CACNA1E: variants seen among roughly 807,000 people sequenced by gnomAD.
CACNA1E encodes voltage-dependent R-type calcium channel subunit alpha-1E.
CACNA1E carries 40 observed loss-of-function variants against 259.2 expected under a neutral mutation model. That is an observed-to-expected ratio of 0.15 (90% CI 0.12 to 0.20). The LOEUF (loss-of-function observed/expected upper bound fraction) is 0.20. Among genes scored for constraint, CACNA1E ranks in the 10% least tolerant of loss-of-function variants. CACNA1E has a pLI of 1.00. For missense variants in CACNA1E, 1,874 were observed against 3,040.1 expected, an observed-to-expected ratio of 0.62 and a Z score of 9.02; for synonymous variants, 1,104 against 1,138.5, an observed-to-expected ratio of 0.97 and a Z score of 0.61.
At chr1:181,673,553 T>C (rs1313978729) in intron 7 of CACNA1E, among the ~76,000 whole-genome samples, 1 of 152,176 alleles carries the variant, frequency 6.6e-6, no homozygotes, top group South Asian at 2.1e-4. Flanking sequence ...GAACAGCTTT[T>C]CCAAGGTGAG....
intron 34 of CACNA1E, among the ~76,000 whole-genome samples, chr1:181,765,372 C>A (rs1658931144): frequency 6.6e-6 from 1 of 152,110 alleles, no homozygotes; most frequent in Non-Finnish European, 1.5e-5. Context: ...TGAAAGGTAG[C>A]AGCACTGCAG....
intron 2 of CACNA1E, among the ~76,000 whole-genome samples, chr1:181,458,619 GA>G (rs1661606981): frequency 6.6e-6 from 1 of 152,190 alleles, no homozygotes; most frequent in Admixed American, 6.5e-5. Context: ...GAATGCCCTT[GA>G]CACCTATGAG....
At chr1:181,397,630 C>G (rs771073844) in intron 1 of CACNA1E, among the ~76,000 whole-genome samples, 6 of 152,154 alleles carry the variant, frequency 3.9e-5, no homozygotes, top group Admixed American at 6.5e-5. Flanking sequence ...CATCACGTCA[C>G]TAGGAAGACT....
Position 181,796,798 on chromosome 1 carries a change from C to T in CACNA1E, c.6339C>T (p.Ser2113=), listed in dbSNP as rs367956254. 1 of 1,610,814 alleles carries T rather than the reference C, an allele frequency of 6.2e-7. No homozygotes were observed. Among genetic ancestry groups the T allele is most frequent in the African/African-American group, 1.3e-5 (1 of 74,872 alleles). The change falls in exon 47 of 48, where the codon TCC becomes TCT. Residue 2113 remains serine, a synonymous_variant. Coordinates refer to ENST00000367573, the MANE Select transcript of CACNA1E (RefSeq NM_001205293.3). ...GAGGGACCCAGGCTGACTGGGAGTC[C>T]CCAGAGCGCCGTCAATCCAGGTCAC... ...EERGTQADWE[S]PERRQSRSPS...
At chr1:181,599,911 T>TGAA (rs1653573121) in intron 6 of CACNA1E, among the ~76,000 whole-genome samples, 2 of 152,190 alleles carry the variant, frequency 1.3e-5, no homozygotes, top group South Asian at 4.1e-4. Context: ...AGGGATATAG[T>TGAA]GAAGAACAAG....
chr1:181,536,982 A>G (rs1032459875), intron 3 of CACNA1E, among the ~76,000 whole-genome samples: 1 of 151,972 alleles, frequency 6.6e-6, no homozygotes, highest in African/African-American at 2.4e-5. Context: ...CCTGGATCCC[A>G]TCAGATCCCA....
At chr1:181,681,886 T>C (rs1366892239) in intron 7 of CACNA1E, among the ~76,000 whole-genome samples, 1 of 152,200 alleles carries the variant, frequency 6.6e-6, no homozygotes, top group Non-Finnish European at 1.5e-5. Context: ...ATTTTCTTCC[T>C]CTACAACCAG....
At chr1:181,481,853 AT>A (rs1421181310), upstream of CACNA1E, among the ~76,000 whole-genome samples, 1 of 150,892 alleles carries the variant, frequency 6.6e-6, no homozygotes, top group Non-Finnish European at 1.5e-5. Context: ...TTCTACATTA[AT>A]GGGTTGGGTT....
intron 1 of CACNA1E, among the ~76,000 whole-genome samples, chr1:181,505,689 T>A (rs866257475): frequency 6.6e-6 from 1 of 151,964 alleles, no homozygotes; most frequent in Non-Finnish European, 1.5e-5. Context: ...TTTTTTTTTT[T>A]AAACATGAAA....
chr1:181,592,074 G>A (rs755967063), intron 6 of CACNA1E, among the ~76,000 whole-genome samples: 1 of 151,998 alleles, frequency 6.6e-6, no homozygotes, highest in South Asian at 2.1e-4. Flanking sequence ...CTCTGATGTC[G>A]CCTTCTCCAC....
At chr1:181,655,376 G>T (rs1659125052) in intron 7 of CACNA1E, among the ~76,000 whole-genome samples, 1 of 152,132 alleles carries the variant, frequency 6.6e-6, no homozygotes, top group African/African-American at 2.4e-5. Flanking sequence ...GAAGGAGATA[G>T]AATTTATCTA....
intron 21 of CACNA1E, among the ~76,000 whole-genome samples, chr1:181,734,519 T>C (rs1223117855): frequency 6.9e-6 from 1 of 145,472 alleles, no homozygotes; most frequent in East Asian, 2.1e-4. Flanking sequence ...TTCCACACCT[T>C]ATCCTTGCCC....
In CACNA1E at chr1:181,478,190, C is replaced by T. The variant is rs189662773; in HGVS notation, c.435-5554C>T. Among the ~76,000 whole-genome samples the T allele has an allele frequency of 1.7e-4, 26 of 152,296 alleles. No individual in the cohort carries two copies. In the East Asian group the frequency reaches 4.2e-3, roughly 25 times the overall value. ...GCAAAGATGCAATGAGAAAACATTA[C>T]GGTTGGCACCCAGGAAGTGATGGGT... On this transcript the variant is annotated intron_variant, in intron 2 of 11. Transcript: ENST00000524607.
At chr1:181,564,173 C>A (rs1649596511) in intron 3 of CACNA1E, among the ~76,000 whole-genome samples, 1 of 152,132 alleles carries the variant, frequency 6.6e-6, no homozygotes, top group Non-Finnish European at 1.5e-5. Flanking sequence ...TTGACTCTTC[C>A]TTTCATGAAA....
At chr1:181,724,367 G>C in intron 16 of CACNA1E, 103 bp from the exon 17 acceptor site, 1 of 859,666 alleles carries the variant, frequency 1.2e-6, no homozygotes. Flanking sequence ...GGTAGCTTCT[G>C]TTCCTGTTAA....
At chr1:181,352,434 A>G (rs1159969129) in intron 1 of CACNA1E, among the ~76,000 whole-genome samples, 3 of 152,214 alleles carry the variant, frequency 2.0e-5, no homozygotes, top group African/African-American at 7.2e-5. Context: ...TTAAATAATT[A>G]TGAGACAAGA....
At chr1:181,588,382 T>A (rs1652303584) in intron 6 of CACNA1E, among the ~76,000 whole-genome samples, 1 of 152,220 alleles carries the variant, frequency 6.6e-6, no homozygotes, top group Admixed American at 6.5e-5. Context: ...GCCTTCTTCT[T>A]GGCCCCTGTC....
At chr1:181,728,956 G>A (rs1167075180) in intron 18 of CACNA1E, among the ~76,000 whole-genome samples, 1 of 44,704 alleles carries the variant, frequency 2.2e-5, no homozygotes, top group East Asian at 7.8e-4. Context: ...CTGCTCAGGT[G>A]TGTGTACACT....
intron 1 of CACNA1E, among the ~76,000 whole-genome samples, chr1:181,487,854 G>A (rs186927913): frequency 1.1e-4 from 16 of 152,278 alleles, no homozygotes; most frequent in African/African-American, 3.6e-4. Flanking sequence ...GCCAGAGTTG[G>A]GCAATAGGAT....
Sources: allele counts gnomAD v4.1 joint callset (sites outside exome capture counted in the v4.1 genomes callset), GRCh38; gene constraint gnomAD v4.1.1; transcripts MANE v1.5; gene names NCBI Gene and HGNC (gene_info 2026-07-23, HGNC 2026-07-21).